RBFOX1: variants seen among roughly 807,000 people sequenced by gnomAD.
RBFOX1 encodes RNA binding fox-1 homolog 1, also known as RNA binding protein fox-1 homolog 1.
A neutral mutation model predicts 57.7 loss-of-function variants in RBFOX1; 8 were observed. The observed-to-expected ratio is 0.14, with a 90% CI of 0.08 to 0.25. The LOEUF is 0.25. Ranked by LOEUF, RBFOX1 falls within the 10% of genes least tolerant of loss-of-function variation. RBFOX1 has a pLI of 1.00. For missense variants in RBFOX1, 611 were observed against 548.5 expected, an observed-to-expected ratio of 1.11 and a Z score of -1.14; for synonymous variants, 326 against 222.4, an observed-to-expected ratio of 1.47 and a Z score of -4.15.
intron 1 of RBFOX1, among the ~76,000 whole-genome samples, chr16:6,157,840 T>C (rs987142923): frequency 1.1e-4 from 17 of 152,234 alleles, no homozygotes; most frequent in African/African-American, 3.6e-4. Context: ...GTTAGACTTA[T>C]GTCCTATCAT....
intron 4 of RBFOX1, among the ~76,000 whole-genome samples, chr16:7,426,094 C>T (rs1289801008): frequency 6.6e-6 from 1 of 152,224 alleles, no homozygotes; most frequent in Non-Finnish European, 1.5e-5. Flanking sequence ...AGGGAGTAAT[C>T]ATTTTAATAT....
intron 4 of RBFOX1, among the ~76,000 whole-genome samples, chr16:7,210,124 A>G (rs546092386): frequency 3.3e-5 from 5 of 152,284 alleles, no homozygotes; most frequent in Admixed American, 3.3e-4. Flanking sequence ...CTGCCCTGCA[A>G]TTGTGTGTAT....
intron 4 of RBFOX1, among the ~76,000 whole-genome samples, chr16:7,076,025 C>G (rs1280665728): frequency 6.6e-6 from 1 of 151,578 alleles, no homozygotes; most frequent in Non-Finnish European, 1.5e-5. Context: ...TCTATTTATC[C>G]TCACACTTGG....
At chr16:7,007,438 G>C (rs938483356) in intron 3 of RBFOX1, among the ~76,000 whole-genome samples, 5 of 152,132 alleles carry the variant, frequency 3.3e-5, no homozygotes, top group Non-Finnish European at 7.4e-5. Flanking sequence ...AGTCATCTCC[G>C]TATTTTTAGG....
intron 1 of RBFOX1, among the ~76,000 whole-genome samples, chr16:6,277,269 T>C (rs2075898515): frequency 6.6e-6 from 1 of 151,994 alleles, no homozygotes; most frequent in Admixed American, 6.6e-5. Context: ...GAGACCAGCC[T>C]GGGCAACATG....
intron 4 of RBFOX1, among the ~76,000 whole-genome samples, chr16:7,507,139 C>A (rs1251731489): frequency 6.6e-6 from 1 of 152,152 alleles, no homozygotes; most frequent in African/African-American, 2.4e-5. Context: ...CAATATTTGA[C>A]TTTGATTTCA....
At chr16:6,564,280 T>C (rs1214400675) in intron 2 of RBFOX1, among the ~76,000 whole-genome samples, 1 of 152,136 alleles carries the variant, frequency 6.6e-6, no homozygotes, top group Non-Finnish European at 1.5e-5. Context: ...TGGTTTTTAA[T>C]GAAAATATGT....
intron 1 of RBFOX1, among the ~76,000 whole-genome samples, chr16:5,359,843 G>A (rs1003956741): frequency 6.6e-6 from 1 of 152,136 alleles, no homozygotes; most frequent in Non-Finnish European, 1.5e-5. Flanking sequence ...TTTCCTCTCT[G>A]GTCCTCCGCT....
At chr16:7,245,581 G>C (rs1339853223) in intron 4 of RBFOX1, among the ~76,000 whole-genome samples, 2 of 152,152 alleles carry the variant, frequency 1.3e-5, no homozygotes, top group East Asian at 3.8e-4. Context: ...TTTTAAATCT[G>C]ATTTTTATAA....
intron 11 of RBFOX1, among the ~76,000 whole-genome samples, chr16:7,635,438 C>A (rs11648653): frequency 0.48 from 73,366 of 151,976 alleles, 18,268 homozygotes; most frequent in East Asian, 0.73. Flanking sequence ...ACATACACAC[C>A]ATTGTAATAA....
intron 4 of RBFOX1, among the ~76,000 whole-genome samples, chr16:7,135,900 G>A (rs2071800781): frequency 6.6e-6 from 1 of 152,172 alleles, no homozygotes; most frequent in African/African-American, 2.4e-5. Flanking sequence ...TTTTGCATCT[G>A]GCACACAGGT....
intron 3 of RBFOX1, among the ~76,000 whole-genome samples, chr16:6,867,544 C>T (rs1017549098): frequency 6.6e-6 from 1 of 152,004 alleles, no homozygotes; most frequent in Non-Finnish European, 1.5e-5. Context: ...CATGGCAAAA[C>T]CTCATCTCTA....
chr16:5,730,126 G>A (rs936594170), intron 3 of RBFOX1, among the ~76,000 whole-genome samples: 5 of 152,218 alleles, frequency 3.3e-5, no homozygotes, highest in African/African-American at 1.2e-4. Flanking sequence ...GGGAATTTAG[G>A]TTTTTGGTTT....
chr16:6,957,279 C>A (rs555040590), intron 3 of RBFOX1, among the ~76,000 whole-genome samples: 7 of 151,756 alleles, frequency 4.6e-5, no homozygotes, highest in South Asian at 2.1e-4. Flanking sequence ...CTACAGGTGC[C>A]CACCACTGCG....
intron 1 of RBFOX1, among the ~76,000 whole-genome samples, chr16:6,269,287 A>C (rs2074924870): frequency 6.6e-6 from 1 of 152,132 alleles, no homozygotes; most frequent in South Asian, 2.1e-4. Context: ...ATTGTTATTT[A>C]TTTTTAAATT....
chr16:5,417,480 G>A (rs1431285698), intron 1 of RBFOX1, among the ~76,000 whole-genome samples: 1 of 152,164 alleles, frequency 6.6e-6, no homozygotes, highest in Non-Finnish European at 1.5e-5. Flanking sequence ...AGAATTAAAG[G>A]TGGTGTAGAT....
In RBFOX1 at chr16:6,771,915, G is replaced by A. The variant is rs7498375; in HGVS notation, c.-16+117265G>A. Among the ~76,000 whole-genome samples the A allele has an allele frequency of 1.8e-4, 28 of 152,188 alleles. 1 individual carries two copies. The South Asian group carries it at 5.4e-3, about 29-fold the overall frequency. ...ACCTTTGGTGTTCTTTGAAGGGGCCGGAAGAGGTTATCTCCTACTCTGGGC... is the reference window on the plus strand; with the variant it reads ...ACCTTTGGTGTTCTTTGAAGGGGCCAGAAGAGGTTATCTCCTACTCTGGGC... On this transcript the variant is annotated intron_variant, in intron 3 of 15. Coordinates refer to ENST00000550418, the MANE Select transcript of RBFOX1 (RefSeq NM_018723.4).
chr16:6,718,684 G>A (rs952073940), intron 3 of RBFOX1, among the ~76,000 whole-genome samples: 4 of 152,146 alleles, frequency 2.6e-5, no homozygotes, highest in Admixed American at 1.3e-4. Flanking sequence ...GTGATAGTGA[G>A]TGAGGTCTCA....
chr16:7,069,717 T>A (rs1466379334), intron 4 of RBFOX1, among the ~76,000 whole-genome samples: 1 of 152,132 alleles, frequency 6.6e-6, no homozygotes, highest in Non-Finnish European at 1.5e-5. Context: ...TGGGGCAGCA[T>A]CGAGGTGTGT....
Sources: gnomAD v4.1 joint callset for allele counts (sites outside exome capture counted in the v4.1 genomes callset) on GRCh38, gnomAD v4.1.1 for gene constraint, MANE v1.5 for transcripts, NCBI Gene and HGNC (gene_info 2026-07-23, HGNC 2026-07-21) for gene names.